SF3B3: variants seen among roughly 807,000 people sequenced by gnomAD.
The protein encoded by SF3B3 is splicing factor 3b subunit 3, also known as SAP 130.
In SF3B3, 33 loss-of-function variants were observed where a neutral mutation model predicts 139.2. The ratio of observed to expected loss-of-function variants is 0.24; its 90% confidence interval spans 0.18 to 0.32. SF3B3 has a LOEUF of 0.32. SF3B3 is among the 10% of genes least tolerant of loss of function. SF3B3 has a pLI of 1.00. For synonymous variants in SF3B3, 596 were observed against 563.6 expected, an observed-to-expected ratio of 1.06 and a Z score of -0.81; for missense variants, 818 against 1,509.4, an observed-to-expected ratio of 0.54 and a Z score of 7.59.
At chr16:70,536,154 A>G (rs1198948571) in intron 6 of SF3B3, among the ~76,000 whole-genome samples, 1 of 151,104 alleles carries the variant, frequency 6.6e-6, no homozygotes, top group Non-Finnish European at 1.5e-5. Flanking sequence ...AGTTCAGGAT[A>G]TTTCCCTCTC....
chr16:70,533,451 C>T (rs2050139642), intron 5 of SF3B3, among the ~76,000 whole-genome samples: 1 of 151,528 alleles, frequency 6.6e-6, no homozygotes. Flanking sequence ...TGGACAGTAA[C>T]AAAAAAAATT....
intron 21 of SF3B3, 145 bp downstream of exon 21, chr16:70,567,681 T>C: frequency 9.5e-7 from 1 of 1,056,024 alleles, no homozygotes; most frequent in Non-Finnish European, 1.3e-6. Flanking sequence ...ATTATGCCCT[T>C]GTTTTTTTGT....
At chr16:70,535,544 G>A (rs1445691287) in intron 6 of SF3B3, 124 bp downstream of exon 6, 1 of 479,002 alleles carries the variant, frequency 2.1e-6, no homozygotes, top group East Asian at 3.3e-5. Flanking sequence ...TGACCCTGGG[G>A]CAGGGACGTA....
At position 70,544,549 on chromosome 16, in the gene SF3B3, C is replaced by T. The variant is rs2050250380; in HGVS notation, c.1329+16C>T. 1 of 1,447,014 alleles carries T rather than the reference C, an allele frequency of 6.9e-7. No homozygotes were observed. Among genetic ancestry groups the T allele is most frequent in the Admixed American group, 1.7e-5 (1 of 59,686 alleles). The allele number at this position is 1,447,014 out of a possible 1,614,324, so 89.6% of individuals were successfully genotyped here. A position where few individuals can be genotyped will look rare whatever the true frequency, so the allele number is the denominator to read the frequency against. ...TGGACTTGAGGTAAGGTTGCAATTT[C>T]TAGATAATCTGCAGGGTTTGGAGGG... On this transcript the variant is annotated intron_variant, in intron 10 of 25. Coordinates refer to ENST00000302516, the MANE Select transcript of SF3B3 (RefSeq NM_012426.5).
intron 5 of SF3B3, 36 bp from the exon 6 acceptor site, chr16:70,535,272 G>A: frequency 8.9e-7 from 1 of 1,129,146 alleles, no homozygotes; most frequent in Non-Finnish European, 1.3e-6. Flanking sequence ...TCATGTCTGA[G>A]TCAAAGTCAC....
At chr16:70,532,398 T>G in intron 4 of SF3B3, 81 bp from the exon 5 acceptor site, 17 of 1,208,156 alleles carry the variant, frequency 1.4e-5, no homozygotes, top group Non-Finnish European at 2.0e-5. Flanking sequence ...GTTTCCTCAT[T>G]TGTAAATTGG....
At chr16:70,566,431 G>A (rs896380208) in intron 20 of SF3B3, among the ~76,000 whole-genome samples, 5 of 151,534 alleles carry the variant, frequency 3.3e-5, no homozygotes, top group South Asian at 2.1e-4. Context: ...GCATGGTGGT[G>A]GGCGCCTGTA....
intron 23 of SF3B3, among the ~76,000 whole-genome samples, chr16:70,569,646 T>C: frequency 6.6e-6 from 1 of 152,254 alleles, no homozygotes; most frequent in East Asian, 1.9e-4. Flanking sequence ...TTGTTTGTTT[T>C]TGAGACAAGG....
At chr16:70,557,167 G>C in intron 15 of SF3B3, 138 bp downstream of exon 15, 1 of 878,994 alleles carries the variant, frequency 1.1e-6, no homozygotes, top group Middle Eastern at 3.6e-4. Flanking sequence ...GTCACTCTGG[G>C]TTCCACTTTT....
intron 17 of SF3B3, among the ~76,000 whole-genome samples, chr16:70,563,009 A>G (rs982228143): frequency 6.6e-6 from 1 of 151,878 alleles, no homozygotes; most frequent in Non-Finnish European, 1.5e-5. Context: ...TTTGTGTTCT[A>G]TTTTATAGAG....
intron 23 of SF3B3, 76 bp downstream of exon 23, chr16:70,569,217 TTG>T (rs2050505750): frequency 9.5e-7 from 1 of 1,050,794 alleles, no homozygotes; most frequent in South Asian, 1.4e-5. Context: ...GAAATTGCCT[TTG>T]GTGAATTATT....
chr16:70,562,289 C>G (rs1362109233), intron 17 of SF3B3, among the ~76,000 whole-genome samples: 1 of 152,142 alleles, frequency 6.6e-6, no homozygotes, highest in Non-Finnish European at 1.5e-5. Flanking sequence ...ATAATTCAGT[C>G]AGTTTGGCTT....
chr16:70,539,878 G>A (rs1224587292), intron 8 of SF3B3, among the ~76,000 whole-genome samples: 1 of 150,860 alleles, frequency 6.6e-6, no homozygotes, highest in Non-Finnish European at 1.5e-5. Flanking sequence ...CCAGGTTCAA[G>A]CAATTCTCCT....
chr16:70,534,214 T>G (rs1249950603), intron 5 of SF3B3, among the ~76,000 whole-genome samples: 1 of 152,078 alleles, frequency 6.6e-6, no homozygotes, highest in Non-Finnish European at 1.5e-5. Flanking sequence ...AAGTTTCAGT[T>G]GTAGGCAAAG....
intron 18 of SF3B3, among the ~76,000 whole-genome samples, chr16:70,564,684 C>T (rs911889321): frequency 6.6e-6 from 1 of 152,172 alleles, no homozygotes; most frequent in Non-Finnish European, 1.5e-5. Context: ...GCTACAACCA[C>T]GTAGAACTGT....
Position 70,546,490 on chromosome 16 carries a change from A to G in SF3B3, c.1330-1880A>G, listed in dbSNP as rs1367280113. On this transcript the variant is annotated intron_variant, in intron 10 of 25. Coordinates refer to ENST00000302516, the MANE Select transcript of SF3B3 (RefSeq NM_012426.5). ...AACATGGTGAAACCCCTTCTCTACT[A>G]AAACTACAAAAATGAGCCGAGAGTG... 7.2e-5 allele frequency among the ~76,000 whole-genome samples: 11 copies of G among 152,156 alleles called. No individual in the cohort carries two copies. The East Asian group carries it at 2.1e-3, about 29-fold the overall frequency.
chr16:70,551,896 C>T (rs1467594970), intron 11 of SF3B3, among the ~76,000 whole-genome samples: 1 of 152,140 alleles, frequency 6.6e-6, no homozygotes, highest in African/African-American at 2.4e-5. Context: ...AAGTCCTCTT[C>T]ACTGTAGAAG....
chr16:70,541,454 T>C (rs895891519), intron 8 of SF3B3, among the ~76,000 whole-genome samples: 1 of 152,236 alleles, frequency 6.6e-6, no homozygotes, highest in Non-Finnish European at 1.5e-5. Context: ...TCTTTGTTGC[T>C]TGTGCTATAA....
intron 5 of SF3B3, among the ~76,000 whole-genome samples, chr16:70,533,750 T>G (rs531561563): frequency 6.2e-4 from 94 of 152,290 alleles, no homozygotes; most frequent in Non-Finnish European, 1.1e-3. Context: ...ATGTCTAAAA[T>G]AAGATGTTGT....
Sources: allele counts gnomAD v4.1 joint callset (sites outside exome capture counted in the v4.1 genomes callset), GRCh38; gene constraint gnomAD v4.1.1; transcripts MANE v1.5; gene names NCBI Gene and HGNC (gene_info 2026-07-23, HGNC 2026-07-21).